The following YPEL2 variants were observed in gnomAD, a reference collection of about 807,000 sequenced individuals.
YPEL2 encodes the protein protein yippee-like 2.
A neutral mutation model predicts 19.1 loss-of-function variants in YPEL2; 2 were observed. That is an observed-to-expected ratio of 0.10 (90% CI 0.04 to 0.33). The LOEUF (loss-of-function observed/expected upper bound fraction) is 0.33, where lower values mean the gene tolerates loss of function less well. YPEL2 is among the 10% of genes least tolerant of loss of function. The pLI is 1.00. For missense variants in YPEL2, 66 were observed against 140.7 expected (o/e 0.47, Z 2.68); for synonymous variants, 52 against 50.0 (o/e 1.04, Z -0.17).
At position 59,394,458 on chromosome 17, in the gene YPEL2, G is replaced by A. The variant is rs868249503; in HGVS notation, c.271-2643G>A. 1.1e-4 allele frequency among the ~76,000 whole-genome samples: 17 copies of A among 151,294 alleles called. No homozygotes were observed. The Middle Eastern group carries it at 0.01, about 91-fold the overall frequency. On this transcript the variant is annotated intron_variant, in intron 4 of 4. Transcript: ENST00000312655. ...CTCCTCACTTCCTAGATGGGATGGC[G>A]GCCGGGAAGAGGCACTCCTCACTTT...
chr17:59,385,820 T>G (rs906464319), intron 2 of YPEL2, among the ~76,000 whole-genome samples: 11 of 152,228 alleles, frequency 7.2e-5, no homozygotes, highest in African/African-American at 2.7e-4. Context: ...TTCAAAAAAG[T>G]TGTTTATAGA....
In YPEL2 at chr17:59,381,761, T is replaced by C. The variant is rs529718020; in HGVS notation, c.118-6566T>C. On this transcript the variant is annotated intron_variant, in intron 2 of 4. Coordinates refer to ENST00000312655, the MANE Select transcript of YPEL2 (RefSeq NM_001005404.4). ...AAAAAACAAAACAAAAACCCTTTCC[T>C]GGAGGCCTGCACACCAGCCTTGGTT... Among the ~76,000 whole-genome samples the C allele has an allele frequency of 2.0e-5, 3 of 152,296 alleles. No homozygotes were observed. In the East Asian group the frequency reaches 5.8e-4, roughly 29 times the overall value.
chr17:59,377,780 G>A (rs2047929600), intron 2 of YPEL2, among the ~76,000 whole-genome samples: 1 of 152,146 alleles, frequency 6.6e-6, no homozygotes. Flanking sequence ...AAGCCGTAGG[G>A]GGATTTGGAA....
chr17:59,384,789 T>G (rs2047972258), intron 2 of YPEL2, among the ~76,000 whole-genome samples: 2 of 152,252 alleles, frequency 1.3e-5, no homozygotes, highest in Admixed American at 1.3e-4. Context: ...TGTCTCCCTG[T>G]ATTTCTAATT....
intron 4 of YPEL2, among the ~76,000 whole-genome samples, chr17:59,393,509 AT>A (rs1378150643): frequency 3.6e-5 from 5 of 137,314 alleles, no homozygotes; most frequent in Admixed American, 7.2e-5. Flanking sequence ...TTATTTTTTT[AT>A]TTTATTTATT....
intron 2 of YPEL2, among the ~76,000 whole-genome samples, chr17:59,357,065 C>T (rs1301810516): frequency 2.6e-5 from 4 of 152,154 alleles, no homozygotes; most frequent in Admixed American, 2.6e-4. Context: ...GTGGGCATGC[C>T]TCACTGGGGA....
intron 2 of YPEL2, among the ~76,000 whole-genome samples, chr17:59,358,291 A>G (rs2047823316): frequency 6.6e-6 from 1 of 151,958 alleles, no homozygotes; most frequent in African/African-American, 2.4e-5. Flanking sequence ...CAGTGGTGAC[A>G]TTTTGGTTTT....
intron 1 of YPEL2, among the ~76,000 whole-genome samples, chr17:59,332,276 C>T (rs2047674863): frequency 6.6e-6 from 1 of 152,130 alleles, no homozygotes; most frequent in East Asian, 1.9e-4. Flanking sequence ...CTCGGAGAGT[C>T]CTGGGGACAC....
chr17:59,378,854 C>T (rs1013988651), intron 2 of YPEL2, among the ~76,000 whole-genome samples: 10 of 152,208 alleles, frequency 6.6e-5, no homozygotes, highest in South Asian at 2.1e-4. Flanking sequence ...CTCAAATCCA[C>T]GGGAGGAGGG....
chr17:59,392,542 A>C (rs2048012925), intron 4 of YPEL2, among the ~76,000 whole-genome samples: 3 of 120,426 alleles, frequency 2.5e-5, no homozygotes, highest in South Asian at 5.2e-4. Flanking sequence ...ATGGAGTCTC[A>C]CTCTGTCACC....
intron 2 of YPEL2, among the ~76,000 whole-genome samples, chr17:59,362,390 A>C (rs2047845674): frequency 6.6e-6 from 1 of 152,012 alleles, no homozygotes; most frequent in African/African-American, 2.4e-5. Flanking sequence ...CCCTGTGAAA[A>C]TTAATGATCT....
intron 4 of YPEL2, among the ~76,000 whole-genome samples, chr17:59,396,123 C>G (rs925441390): frequency 6.6e-6 from 1 of 152,150 alleles, no homozygotes; most frequent in Non-Finnish European, 1.5e-5. Flanking sequence ...TTCTTATGTT[C>G]TTAGAAACTA....
intron 2 of YPEL2, among the ~76,000 whole-genome samples, chr17:59,384,352 G>A (rs767016935): frequency 1.3e-5 from 2 of 152,104 alleles, no homozygotes; most frequent in Non-Finnish European, 2.9e-5. Context: ...CTGTAGCATA[G>A]GTTTCAGGTA....
chr17:59,395,313 C>T (rs1367418511), intron 4 of YPEL2, among the ~76,000 whole-genome samples: 3 of 152,164 alleles, frequency 2.0e-5, no homozygotes, highest in Non-Finnish European at 2.9e-5. Flanking sequence ...AGCCCCTGAG[C>T]TCTAGAACAG....
intron 1 of YPEL2, among the ~76,000 whole-genome samples, chr17:59,335,535 T>C (rs540635638): frequency 3.3e-5 from 5 of 152,202 alleles, no homozygotes; most frequent in South Asian, 2.1e-4. Context: ...AGTAACTCTT[T>C]CCAGGATTCT....
intron 2 of YPEL2, among the ~76,000 whole-genome samples, chr17:59,370,807 G>A (rs944096295): frequency 7.2e-5 from 11 of 152,146 alleles, no homozygotes; most frequent in Non-Finnish European, 1.2e-4. Flanking sequence ...TCCTTAAGCT[G>A]TTTGCTGATT....
intron 2 of YPEL2, among the ~76,000 whole-genome samples, chr17:59,377,925 G>T (rs2047930190): frequency 6.6e-6 from 1 of 152,176 alleles, no homozygotes; most frequent in African/African-American, 2.4e-5. Context: ...GCCACATTTG[G>T]TACTTACTAT....
intron 2 of YPEL2, among the ~76,000 whole-genome samples, chr17:59,363,803 T>C (rs544506807): frequency 9.2e-5 from 14 of 152,386 alleles, no homozygotes; most frequent in African/African-American, 3.4e-4. Flanking sequence ...CTTCGCAGTG[T>C]GGCCTAGGTT....
In YPEL2 at chr17:59,353,561, CG is replaced by C; in HGVS notation, c.117+39del. On this transcript the variant is annotated intron_variant, in intron 2 of 4. Coordinates refer to ENST00000312655, the MANE Select transcript of YPEL2 (RefSeq NM_001005404.4). The surrounding 1 kb of genome is among the most constrained non-coding windows in gnomAD (Gnocchi z 4.8). ...TCCAGCAGGCCTTCCTTGCCTACCC[CG>C]GGGAGGGCGCTTAGTGCTCCTGAAG... 1 of 1,513,598 alleles carries C rather than the reference CG, an allele frequency of 6.6e-7. No individual in the cohort carries two copies. Among genetic ancestry groups the C allele is most frequent in the Non-Finnish European group, 9.2e-7 (1 of 1,088,918 alleles). 93.8% of individuals were successfully genotyped at this position (1,513,598 alleles called of 1,614,324 possible).
Sources: gnomAD v4.1 joint callset for allele counts (sites outside exome capture counted in the v4.1 genomes callset) on GRCh38, gnomAD v4.1.1 for gene constraint, Gnocchi (gnomAD v3.1) non-coding constraint, MANE v1.5 for transcripts, NCBI Gene and HGNC (gene_info 2026-07-23, HGNC 2026-07-21) for gene names.